Variants in PCDHGB2 observed in about 807,000 individuals in gnomAD.
PCDHGB2 encodes the protein protocadherin gamma subfamily B, 2.
A neutral mutation model predicts 59.3 loss-of-function variants in PCDHGB2; 55 were observed. That is an observed-to-expected ratio of 0.93 (90% CI 0.75 to 1.16). PCDHGB2 has a LOEUF of 1.16. Among genes scored for constraint, PCDHGB2 ranks in the 50% most tolerant of loss-of-function variants. The pLI, the probability that PCDHGB2 is intolerant of heterozygous loss-of-function variation, is 0.00. For missense variants in PCDHGB2, 1,228 were observed against 1,198.5 expected (o/e 1.02, Z -0.36); for synonymous variants, 516 against 512.0 (o/e 1.01, Z -0.11).
chr5:141,488,175 T>C (rs889217562), intron 1 of PCDHGB2, among the ~76,000 whole-genome samples: 1 of 152,168 alleles, frequency 6.6e-6, no homozygotes, highest in Non-Finnish European at 1.5e-5. Context: ...AGTGGTGGCA[T>C]AGATCTTTTG....
chr5:141,436,040 C>T (rs989038133), intron 1 of PCDHGB2, among the ~76,000 whole-genome samples: 1 of 152,060 alleles, frequency 6.6e-6, no homozygotes, highest in African/African-American at 2.4e-5. Context: ...TTTGTATTTA[C>T]ATTAGTTTTC....
intron 1 of PCDHGB2, chr5:141,375,441 C>G (rs904228732): frequency 6.2e-7 from 1 of 1,614,030 alleles, no homozygotes. Context: ...CCCACCTTCC[C>G]CCATTCATCC....
chr5:141,394,012 A>C lies in PCDHGB2; in HGVS notation c.2421+31456A>C, dbSNP rs756847755. ...TTTAAATTAGAAAAGTCAATAGGTA[A>C]TTATTATAGATTAGTGACAAGGAAA... On this transcript the variant is annotated intron_variant, in intron 1 of 3. Coordinates refer to ENST00000522605, the MANE Select transcript of PCDHGB2 (RefSeq NM_018923.3). The C allele has an allele frequency of 2.6e-5, 42 of 1,613,288 alleles. No individual in the cohort carries two copies. Among genetic ancestry groups the C allele is most frequent in the Non-Finnish European group, 3.4e-5 (40 of 1,179,552 alleles).
At chr5:141,420,006 G>T in intron 1 of PCDHGB2, 1 of 1,614,052 alleles carries the variant, frequency 6.2e-7, no homozygotes, top group Non-Finnish European at 8.5e-7. Flanking sequence ...CTACGCCTGC[G>T]ACAGTCTTTC....
chr5:141,387,740 C>T lies in PCDHGB2; in HGVS notation c.2421+25184C>T, dbSNP rs952205441. The T allele has an allele frequency of 3.8e-6, 5 of 1,328,736 alleles. No individual in the cohort carries two copies. In the African/African-American group the frequency reaches 5.9e-5, roughly 16 times the overall value. The allele number at this position is 1,328,736 out of a possible 1,614,324, so 82.3% of individuals were successfully genotyped here. ...GACTCCCCAGCGCCAGCCTTTACAC[C>T]GCTTCCTCCTCGGAAAAAGAAGAAT... On this transcript the variant is annotated intron_variant, in intron 1 of 3. Coordinates refer to ENST00000522605, the MANE Select transcript of PCDHGB2 (RefSeq NM_018923.3).
intron 1 of PCDHGB2, chr5:141,383,793 A>C (rs1348224147): frequency 5.6e-6 from 9 of 1,613,998 alleles, no homozygotes; most frequent in Admixed American, 1.7e-5. Flanking sequence ...ACTCGCTTAC[A>C]GGAGAAATAT....
At position 141,489,335 on chromosome 5, in the gene PCDHGB2, G is replaced by C. The variant is rs138015049; in HGVS notation, c.2422-5472G>C. 1.4e-5 allele frequency: 22 copies of C among 1,607,364 alleles called. No individual in the cohort carries two copies. Among genetic ancestry groups the C allele is most frequent in the Non-Finnish European group, 1.9e-5 (22 of 1,175,842 alleles). The stretch of plus-strand genomic sequence containing the variant: ...TGGGGCTGGGTGTCTGGGCAGCTTC[G>C]TTACTCAGTGGTGGAGGAGTCTGAG... On this transcript the variant is annotated intron_variant, in intron 1 of 3. Transcript: ENST00000522605. This position sits in a 1 kb window ranked among gnomAD's most constrained non-coding sequence, Gnocchi z 4.5.
Position 141,490,198 on chromosome 5 carries a change from G to A in PCDHGB2, c.2422-4609G>A. ...GGAGTCACGTTTCTATGAAATTCAT[G>A]CAAGAGCCCGTGACCAGGGACAGCC... On this transcript the variant is annotated intron_variant, in intron 1 of 3. Coordinates refer to ENST00000522605, the MANE Select transcript of PCDHGB2 (RefSeq NM_018923.3). The surrounding 1 kb of genome is among the most constrained non-coding windows in gnomAD (Gnocchi z 5.4). The A allele has an allele frequency of 6.2e-7, 1 of 1,614,208 alleles. No homozygotes were observed. Among genetic ancestry groups the A allele is most frequent in the Non-Finnish European group, 8.5e-7 (1 of 1,180,038 alleles).
At chr5:141,382,115 A>G (rs1777964060) in intron 1 of PCDHGB2, among the ~76,000 whole-genome samples, 2 of 152,100 alleles carry the variant, frequency 1.3e-5, no homozygotes, top group African/African-American at 4.8e-5. Flanking sequence ...GGCGTGAGCA[A>G]CAGCACCTGG....
chr5:141,458,702 T>G (rs1333580253), intron 1 of PCDHGB2, among the ~76,000 whole-genome samples: 1 of 152,102 alleles, frequency 6.6e-6, no homozygotes, highest in East Asian at 1.9e-4. Context: ...CCCGAGTAGC[T>G]GGGATTACAG....
chr5:141,361,348 G>C lies in PCDHGB2; in HGVS notation c.1213G>C (p.Val405Leu). ...TTCCTCAAAGAACTATTACAAACTA[G>C]TGACAGACGGCGCTCTGGACCGGGA... is the stretch of plus-strand genomic sequence containing the variant. ...KSSSKNYYKL[V>L]TDGALDREEI... The change falls in exon 1 of 4, where the codon GTG (valine) becomes CTG (leucine). Residue 405 changes from valine to leucine, a missense_variant. Physicochemically the swap from Val to Leu is conservative, Grantham distance 32. Coordinates refer to ENST00000522605, the MANE Select transcript of PCDHGB2 (RefSeq NM_018923.3). 6.2e-7 allele frequency: 1 copy of C among 1,613,980 alleles called. No individual in the cohort carries two copies. The highest frequency in any genetic ancestry group is 1.1e-5 in the South Asian group (1 of 91,090).
At position 141,434,489 on chromosome 5, in the gene PCDHGB2, C is replaced by G. The variant is rs921000136; in HGVS notation, c.2422-60318C>G. On this transcript the variant is annotated intron_variant, in intron 1 of 3. Coordinates refer to ENST00000522605, the MANE Select transcript of PCDHGB2 (RefSeq NM_018923.3). ...GAATGAGGGCAAGGAACACCTGGCC[C>G]GCCCAGGGCAGAAAACTGCTTAAAG... Among the ~76,000 whole-genome samples, 8 of 152,158 alleles carry G rather than the reference C, an allele frequency of 5.3e-5. 1 individual carries two copies. The highest frequency in any genetic ancestry group is 2.6e-4 in the Admixed American group (4 of 15,284).
intron 1 of PCDHGB2, chr5:141,399,197 T>G: frequency 6.2e-7 from 1 of 1,613,926 alleles, no homozygotes; most frequent in Non-Finnish European, 8.5e-7. Context: ...GAAAACGCGG[T>G]GCCTGGAACA....
Position 141,360,727 on chromosome 5 carries a change from C to T in PCDHGB2, c.592C>T (p.His198Tyr). 1 of 1,613,988 alleles carries T rather than the reference C, an allele frequency of 6.2e-7. No homozygotes were observed. The highest frequency in any genetic ancestry group is 8.5e-7 in the Non-Finnish European group (1 of 1,179,902). ...TAAATATCCTGAGTTGATTCTAAAA[C>T]ACTCTCTGGACAGAGAAGAGCACAG... is the stretch of plus-strand genomic sequence containing the variant. ...GRKYPELILK[H>Y]SLDREEHSLH... is the part of the protein sequence containing the mutation. Residue 198 changes from histidine to tyrosine, a missense_variant, in exon 1 of 4, where the codon CAC becomes TAC. His to Tyr is a moderately conservative substitution (Grantham distance 83). Around this residue, in one of 3 missense-constraint regions of PCDHGB2, gnomAD observed 781 missense variants for 721.6 expected, o/e 1.08. Coordinates refer to ENST00000522605, the MANE Select transcript of PCDHGB2 (RefSeq NM_018923.3).
chr5:141,477,157 C>G lies in PCDHGB2; in HGVS notation c.2422-17650C>G. ...TGGTGGAGGTTGTGGATGTGAATGA[C>G]AACGCCCCGGAGATCACAGTCACCT... is the stretch of plus-strand genomic sequence containing the variant. On this transcript the variant is annotated intron_variant, in intron 1 of 3. Transcript: ENST00000522605. This position sits in a 1 kb window ranked among gnomAD's most constrained non-coding sequence, Gnocchi z 4.9. 1 of 1,614,182 alleles carries G rather than the reference C, an allele frequency of 6.2e-7. No individual in the cohort carries two copies. Among genetic ancestry groups the G allele is most frequent in the Non-Finnish European group, 8.5e-7 (1 of 1,180,038 alleles).
intron 1 of PCDHGB2, chr5:141,413,717 A>C: frequency 6.2e-7 from 1 of 1,613,382 alleles, no homozygotes; most frequent in Non-Finnish European, 8.5e-7. Flanking sequence ...CCCAATAAGC[A>C]CTTCTCCCTA....
At position 141,512,523 on chromosome 5, in the gene PCDHGB2, T is replaced by A. The variant is rs1222752176; in HGVS notation, c.*1350T>A. 6.5e-6 allele frequency: 1 copy of A among 152,848 alleles called. No homozygotes were observed. The highest frequency in any genetic ancestry group is 1.5e-5 in the Non-Finnish European group (1 of 68,240). 9.5% of individuals were successfully genotyped at this position (152,848 alleles called of 1,614,324 possible). A position where few individuals can be genotyped will look rare whatever the true frequency, so the allele number is the denominator to read the frequency against. The stretch of plus-strand genomic sequence containing the variant: ...AGTGCGCCCCCTAGTGGCCATAGCC[T>A]GGTTAAAGTTCCCCAGTGCCTCCTT... On this transcript the variant is annotated 3_prime_UTR_variant, in exon 4 of 4. Transcript: ENST00000522605.
At chr5:141,479,866 A>G (rs1020197891) in intron 1 of PCDHGB2, among the ~76,000 whole-genome samples, 2 of 152,204 alleles carry the variant, frequency 1.3e-5, no homozygotes, top group African/African-American at 2.4e-5. Context: ...TTTGCCCTGG[A>G]GAGAACCCTA....
chr5:141,399,010 G>A (rs1400790755), intron 1 of PCDHGB2: 5 of 1,613,726 alleles, frequency 3.1e-6, no homozygotes, highest in African/African-American at 1.3e-5. Flanking sequence ...TTCAAAGAGC[G>A]GAGAAATTAC....
Sources: allele counts gnomAD v4.1 joint callset (sites outside exome capture counted in the v4.1 genomes callset), GRCh38; gene constraint gnomAD v4.1.1; regional missense constraint gnomAD v4.1.1; non-coding constraint Gnocchi (gnomAD v3.1); transcripts MANE v1.5; gene names NCBI Gene and HGNC (gene_info 2026-07-23, HGNC 2026-07-21).